The following CACNA2D3 variants were observed in gnomAD, a reference collection of about 807,000 sequenced individuals.
CACNA2D3 encodes the protein calcium voltage-gated channel auxiliary subunit alpha2delta 3, also known as voltage-dependent calcium channel subunit alpha-2/delta-3.
Under a neutral mutation model 160.6 loss-of-function variants are expected in CACNA2D3, and 60 were observed. That is an observed-to-expected ratio of 0.37 (90% CI 0.30 to 0.46). The LOEUF (loss-of-function observed/expected upper bound fraction) is 0.46, where lower values mean the gene tolerates loss of function less well. Among genes scored for constraint, CACNA2D3 ranks in the 20% least tolerant of loss-of-function variants. CACNA2D3 has a pLI of 1.00. For synonymous variants in CACNA2D3, 558 were observed against 492.9 expected (o/e 1.13, Z -1.75); for missense variants, 1,205 against 1,365.0 (o/e 0.88, Z 1.85).
chr3:54,731,213 A>G (rs544901588), intron 11 of CACNA2D3, among the ~76,000 whole-genome samples: 1 of 152,200 alleles, frequency 6.6e-6, no homozygotes, highest in South Asian at 2.1e-4. Context: ...TCAAATTCTC[A>G]GACTCACATT....
intron 14 of CACNA2D3, among the ~76,000 whole-genome samples, chr3:54,832,392 G>A (rs1703900630): frequency 6.6e-6 from 1 of 152,122 alleles, no homozygotes; most frequent in Non-Finnish European, 1.5e-5. Flanking sequence ...GGTTGGACGG[G>A]GTGAAGAGGA....
chr3:54,958,342 A>G (rs1249149899), intron 27 of CACNA2D3, among the ~76,000 whole-genome samples: 2 of 152,176 alleles, frequency 1.3e-5, no homozygotes, highest in African/African-American at 4.8e-5. Context: ...GCAGTGAGCT[A>G]TGATTGTGCC....
intron 2 of CACNA2D3, among the ~76,000 whole-genome samples, chr3:54,130,215 C>T (rs1429617610): frequency 6.6e-6 from 1 of 152,256 alleles, no homozygotes; most frequent in African/African-American, 2.4e-5. Flanking sequence ...TTTTGGCTTT[C>T]TCTCTTTCCT....
intron 11 of CACNA2D3, among the ~76,000 whole-genome samples, chr3:54,709,739 G>A (rs1426611178): frequency 1.3e-5 from 2 of 152,150 alleles, no homozygotes; most frequent in Admixed American, 1.3e-4. Flanking sequence ...AGCCTGGGTA[G>A]CATAGCGAGA....
chr3:54,838,707 C>A, intron 16 of CACNA2D3, 59 bp downstream of exon 16: 1 of 1,296,154 alleles, frequency 7.7e-7, no homozygotes, highest in Non-Finnish European at 1.1e-6. Context: ...GCCTTGTTTT[C>A]ACAAAGTTCA....
intron 2 of CACNA2D3, among the ~76,000 whole-genome samples, chr3:54,175,441 C>T (rs113233327): frequency 1.5e-4 from 23 of 151,444 alleles, no homozygotes; most frequent in East Asian, 7.9e-4. Flanking sequence ...ATGGTGAAAC[C>T]CCGTCTCTAC....
chr3:54,590,118 C>G (rs1559520534), intron 9 of CACNA2D3, among the ~76,000 whole-genome samples: 1 of 152,126 alleles, frequency 6.6e-6, no homozygotes, highest in Non-Finnish European at 1.5e-5. Flanking sequence ...TTCATAGCAT[C>G]TTTATTTGTA....
At chr3:54,545,611 T>C (rs1253390541) in intron 5 of CACNA2D3, among the ~76,000 whole-genome samples, 1 of 152,252 alleles carries the variant, frequency 6.6e-6, no homozygotes, top group Non-Finnish European at 1.5e-5. Context: ...CAGTTCCTTT[T>C]ATCTGCCATG....
At chr3:54,909,059 T>C (rs1481057114) in intron 27 of CACNA2D3, among the ~76,000 whole-genome samples, 4 of 152,214 alleles carry the variant, frequency 2.6e-5, no homozygotes, top group Non-Finnish European at 5.9e-5. Context: ...GTTATGTAAG[T>C]GGATGCCGAA....
At chr3:54,747,664 G>T (rs1701778839) in intron 11 of CACNA2D3, among the ~76,000 whole-genome samples, 1 of 152,102 alleles carries the variant, frequency 6.6e-6, no homozygotes. Context: ...CCTCTGCTAG[G>T]TGACTGCATT....
At chr3:54,703,549 C>T (rs1441561029) in intron 11 of CACNA2D3, among the ~76,000 whole-genome samples, 2 of 152,092 alleles carry the variant, frequency 1.3e-5, no homozygotes, top group African/African-American at 2.4e-5. Flanking sequence ...CAGCGCTGGC[C>T]ACATAGTGAA....
intron 2 of CACNA2D3, among the ~76,000 whole-genome samples, chr3:54,181,145 T>A (rs1246283364): frequency 1.3e-5 from 2 of 152,216 alleles, no homozygotes; most frequent in Non-Finnish European, 2.9e-5. Context: ...AGGGTTTGGT[T>A]GCAGGGTCAT....
At chr3:54,658,971 CCTCTCT>C (rs1699922268) in intron 11 of CACNA2D3, among the ~76,000 whole-genome samples, 4 of 152,038 alleles carry the variant, frequency 2.6e-5, no homozygotes, top group Non-Finnish European at 5.9e-5. Context: ...CTTCCTGTTC[CCTCTCT>C]CTGGGGCACT....
In CACNA2D3 at chr3:54,544,408, T is replaced by A. The variant is rs188345601; in HGVS notation, c.545-18392T>A. ...TGACCAAACTAGCCTTTTTTTTTTT[T>A]TAATGTTTTTAAAGATACAGGGTCA... On this transcript the variant is annotated intron_variant, in intron 5 of 37. Transcript: ENST00000474759. 7.2e-5 allele frequency among the ~76,000 whole-genome samples: 11 copies of A among 152,184 alleles called. 1 individual carries two copies. The East Asian group carries it at 2.1e-3, about 29-fold the overall frequency.
intron 3 of CACNA2D3, among the ~76,000 whole-genome samples, chr3:54,367,079 C>T (rs913368332): frequency 2.6e-5 from 4 of 152,296 alleles, no homozygotes; most frequent in Non-Finnish European, 5.9e-5. Flanking sequence ...TCGAATCTAT[C>T]CATCGTTGCC....
chr3:54,603,920 A>C (rs1325296154), intron 9 of CACNA2D3, among the ~76,000 whole-genome samples: 1 of 152,234 alleles, frequency 6.6e-6, no homozygotes, highest in African/African-American at 2.4e-5. Flanking sequence ...TTTTAAAATA[A>C]GAGTAAATTG....
At chr3:55,000,623 C>A (rs1193804816) in intron 31 of CACNA2D3, among the ~76,000 whole-genome samples, 1 of 152,148 alleles carries the variant, frequency 6.6e-6, no homozygotes, top group Non-Finnish European at 1.5e-5. Context: ...TGCCCCAGAG[C>A]AATTTAGTTT....
intron 17 of CACNA2D3, among the ~76,000 whole-genome samples, chr3:54,865,243 T>C (rs1575518453): frequency 6.6e-6 from 1 of 152,228 alleles, no homozygotes; most frequent in Non-Finnish European, 1.5e-5. Context: ...GACGCCGGTG[T>C]GGTGTTAGTA....
chr3:54,446,468 C>T (rs943620209), intron 4 of CACNA2D3, among the ~76,000 whole-genome samples: 8 of 152,114 alleles, frequency 5.3e-5, no homozygotes, highest in Admixed American at 2.0e-4. Context: ...AAGCTCCTTC[C>T]CACACTATGC....
Sources: gnomAD v4.1 joint callset for allele counts (sites outside exome capture counted in the v4.1 genomes callset) on GRCh38, gnomAD v4.1.1 for gene constraint, MANE v1.5 for transcripts, NCBI Gene and HGNC (gene_info 2026-07-23, HGNC 2026-07-21) for gene names.